PEAK1: variants seen among roughly 807,000 people sequenced by gnomAD.
The protein encoded by PEAK1 is inactive tyrosine-protein kinase PEAK1.
A neutral mutation model predicts 124.7 loss-of-function variants in PEAK1; 54 were observed. That is an observed-to-expected ratio of 0.43 (90% CI 0.35 to 0.54). The LOEUF (loss-of-function observed/expected upper bound fraction) is 0.54. Among genes scored for constraint, PEAK1 ranks in the 20% least tolerant of loss-of-function variants. The pLI is 0.01. For missense variants in PEAK1, 2,046 were observed against 2,134.5 expected, an observed-to-expected ratio of 0.96 and a Z score of 0.82; for synonymous variants, 719 against 760.0, an observed-to-expected ratio of 0.95 and a Z score of 0.89.
intron 6 of PEAK1, among the ~76,000 whole-genome samples, chr15:77,240,461 TA>T (rs202205387): frequency 1.3e-5 from 2 of 149,626 alleles, no homozygotes; most frequent in Admixed American, 1.3e-4. Flanking sequence ...CTACAAAAAA[TA>T]AAAAAAAATG....
intron 7 of PEAK1, among the ~76,000 whole-genome samples, chr15:77,174,783 C>T (rs574835752): frequency 2.8e-4 from 43 of 152,160 alleles, no homozygotes; most frequent in Admixed American, 1.7e-3. Flanking sequence ...AAAAAGAGCC[C>T]GCATTGCCAA....
intron 5 of PEAK1, among the ~76,000 whole-genome samples, chr15:77,276,176 A>G (rs2062313973): frequency 1.3e-5 from 2 of 152,194 alleles, no homozygotes; most frequent in Non-Finnish European, 2.9e-5. Flanking sequence ...AGGACAGAAA[A>G]ATAATTTGAA....
At chr15:77,138,455 C>T (rs958030298) in intron 8 of PEAK1, among the ~76,000 whole-genome samples, 1 of 152,104 alleles carries the variant, frequency 6.6e-6, no homozygotes. Flanking sequence ...ATAAATTAAC[C>T]TTAGCTTACT....
At chr15:77,410,242 T>G (rs1411073286) in intron 1 of PEAK1, among the ~76,000 whole-genome samples, 10 of 151,912 alleles carry the variant, frequency 6.6e-5, no homozygotes, top group Non-Finnish European at 4.4e-5. Flanking sequence ...CAAGTGATTC[T>G]CCTACCTCAG....
intron 1 of PEAK1, among the ~76,000 whole-genome samples, chr15:77,415,948 C>T (rs539242059): frequency 1.3e-5 from 2 of 152,218 alleles, no homozygotes; most frequent in African/African-American, 2.4e-5. Flanking sequence ...TGCTTAAAGA[C>T]TCCTTCAGAG....
At chr15:77,264,874 C>G (rs560465867) in intron 5 of PEAK1, among the ~76,000 whole-genome samples, 1 of 151,754 alleles carries the variant, frequency 6.6e-6, no homozygotes, top group Non-Finnish European at 1.5e-5. Flanking sequence ...GCTACAGTAA[C>G]CAAAACAGCA....
In PEAK1 at chr15:77,349,577, G is replaced by C. The variant is rs996764776; in HGVS notation, c.-603+15586C>G. On this transcript the variant is annotated intron_variant, in intron 2 of 9. Coordinates refer to ENST00000682557, the MANE Select transcript of PEAK1 (RefSeq NM_001385026.1). ...TATTTAAACCAGATAGGTGGGTTACGGAGTCACTGAATATATGCTTGAGTA... is the reference window on the plus strand; with the variant it reads ...TATTTAAACCAGATAGGTGGGTTACCGAGTCACTGAATATATGCTTGAGTA... The C allele has an allele frequency of 3.0e-6, 3 of 984,580 alleles. No homozygotes were observed. The African/African-American group carries it at 5.2e-5, about 17-fold the overall frequency. The allele number at this position is 984,580 out of a possible 1,614,324, so 61.0% of individuals were successfully genotyped here.
intron 2 of PEAK1, among the ~76,000 whole-genome samples, chr15:77,328,159 T>A (rs2065689818): frequency 6.6e-6 from 1 of 152,160 alleles, no homozygotes; most frequent in Non-Finnish European, 1.5e-5. Flanking sequence ...TAAATATTTT[T>A]AAAAGCTTTC....
At position 77,127,362 on chromosome 15, in the gene PEAK1, G is replaced by A. The variant is rs370957968; in HGVS notation, c.4077+5643C>T. ...AATGAGATTTTGATACTGAGAAGTG[G>A]TGTGCTGTTGTAAAAATACTTTAAA... is the stretch of plus-strand genomic sequence containing the variant. On this transcript the variant is annotated intron_variant, in intron 9 of 9. Coordinates refer to ENST00000682557, the MANE Select transcript of PEAK1 (RefSeq NM_001385026.1). Among the ~76,000 whole-genome samples, 21 of 152,342 alleles carry A rather than the reference G, an allele frequency of 1.4e-4. No individual in the cohort carries two copies. In the East Asian group the frequency reaches 3.9e-3, roughly 28 times the overall value.
chr15:77,393,202 G>A (rs932225617), intron 1 of PEAK1, among the ~76,000 whole-genome samples: 1 of 152,178 alleles, frequency 6.6e-6, no homozygotes, highest in Non-Finnish European at 1.5e-5. Flanking sequence ...TAGGCCACAA[G>A]GACTGCAATT....
chr15:77,335,789 C>T (rs2066162850), intron 2 of PEAK1: 5 of 985,222 alleles, frequency 5.1e-6, no homozygotes, highest in Non-Finnish European at 6.0e-6. Flanking sequence ...CTGTACACAG[C>T]CCTCTCACTA....
chr15:77,113,535 A>G lies in PEAK1; in HGVS notation c.*621T>C, dbSNP rs2051108033. On this transcript the variant is annotated 3_prime_UTR_variant, in exon 10 of 10. Coordinates refer to ENST00000682557, the MANE Select transcript of PEAK1 (RefSeq NM_001385026.1). ...CTCCATGCAGTGCACATACTTACAGATAATGGCAATGAAAATGGGTCTATG... is the reference window on the plus strand; with the variant it reads ...CTCCATGCAGTGCACATACTTACAGGTAATGGCAATGAAAATGGGTCTATG... 6.5e-6 allele frequency: 1 copy of G among 154,670 alleles called. No homozygotes were observed. The highest frequency in any genetic ancestry group is 2.0e-4 in the South Asian group (1 of 4,962). 9.6% of individuals were successfully genotyped at this position (154,670 alleles called of 1,614,324 possible).
intron 1 of PEAK1, chr15:77,381,116 A>T (rs961716157): frequency 2.9e-6 from 2 of 690,232 alleles, no homozygotes; most frequent in Non-Finnish European, 3.6e-6. Flanking sequence ...GCAAAATGCT[A>T]CTATGGAGTT....
At chr15:77,405,655 G>C (rs1478827084) in intron 1 of PEAK1, among the ~76,000 whole-genome samples, 1 of 152,144 alleles carries the variant, frequency 6.6e-6, no homozygotes, top group Non-Finnish European at 1.5e-5. Context: ...TAGAAGATAA[G>C]AGAAGATCAG....
At chr15:77,119,139 T>C (rs1407938289) in intron 9 of PEAK1, among the ~76,000 whole-genome samples, 5 of 152,224 alleles carry the variant, frequency 3.3e-5, no homozygotes, top group Admixed American at 2.0e-4. Context: ...ACCAAATGCA[T>C]GCCAAGGGAA....
intron 2 of PEAK1, among the ~76,000 whole-genome samples, chr15:77,288,540 C>A (rs2063042759): frequency 6.6e-6 from 1 of 152,148 alleles, no homozygotes; most frequent in Non-Finnish European, 1.5e-5. Flanking sequence ...TACATAAAAC[C>A]AGTGAGAAGG....
Position 77,114,074 on chromosome 15 carries a change from T to C in PEAK1, c.*82A>G, listed in dbSNP as rs2152708586. The stretch of plus-strand genomic sequence containing the variant: ...GTTTGCCTTTCTTCTTTCCTTGAAT[T>C]TGGAGTGAGCACTAGGGAGGGGAAG... On this transcript the variant is annotated 3_prime_UTR_variant, in exon 10 of 10. Transcript: ENST00000682557. 2.1e-6 allele frequency: 3 copies of C among 1,436,486 alleles called. No individual in the cohort carries two copies. Among genetic ancestry groups the C allele is most frequent in the South Asian group, 1.3e-5 (1 of 78,334 alleles). The allele number at this position is 1,436,486 out of a possible 1,614,324, so 89.0% of individuals were successfully genotyped here.
intron 1 of PEAK1, among the ~76,000 whole-genome samples, chr15:77,373,168 CCTAA>C (rs373192029): frequency 4.8e-4 from 73 of 152,288 alleles, no homozygotes; most frequent in Middle Eastern, 3.4e-3. Context: ...CTCTCCTGCT[CCTAA>C]CTGTTGATCT....
At chr15:77,403,826 A>C (rs2071576339) in intron 1 of PEAK1, 8 of 982,836 alleles carry the variant, frequency 8.1e-6, no homozygotes, top group Non-Finnish European at 9.7e-6. Context: ...CTATTCTAAT[A>C]TATCCCTAAC....
Sources: allele counts gnomAD v4.1 joint callset (sites outside exome capture counted in the v4.1 genomes callset), GRCh38; gene constraint gnomAD v4.1.1; transcripts MANE v1.5; gene names NCBI Gene and HGNC (gene_info 2026-07-23, HGNC 2026-07-21).